Variants in NAGS observed in about 807,000 individuals in gnomAD.
NAGS encodes N-acetylglutamate synthase.
A neutral mutation model predicts 46.9 loss-of-function variants in NAGS; 34 were observed. The ratio of observed to expected loss-of-function variants is 0.72; its 90% CI spans 0.55 to 0.97. NAGS has a LOEUF of 0.97. NAGS is among the 50% of genes least tolerant of loss of function. The probability of loss-of-function intolerance (pLI) is 0.00; values close to 1 mark genes in which losing one functional copy is unlikely to be tolerated. For synonymous variants in NAGS, 334 were observed against 346.3 expected (o/e 0.96, Z 0.39); for missense variants, 665 against 747.0 (o/e 0.89, Z 1.28).
rs1286780952 is a variant in NAGS, at chr17:44,008,857, T to C, written c.*256T>C. 1.8e-6 allele frequency: 1 copy of C among 560,182 alleles called. No homozygotes were observed. The highest frequency in any genetic ancestry group is 3.1e-5 in the East Asian group (1 of 31,752). The allele number at this position is 560,182 out of a possible 1,614,324, so 34.7% of individuals were successfully genotyped here. On this transcript the variant is annotated 3_prime_UTR_variant, in exon 7 of 7. Coordinates refer to ENST00000293404, the MANE Select transcript of NAGS (RefSeq NM_153006.3). ...ACCAAATGGCCTTCGATTTTCAACCTGGGGATTAGGGGAGGGGAGGGTGCC... is the reference window on the plus strand; with the variant it reads ...ACCAAATGGCCTTCGATTTTCAACCCGGGGATTAGGGGAGGGGAGGGTGCC...
Position 44,008,757 on chromosome 17 carries a change from G to A in NAGS, c.*156G>A, listed in dbSNP as rs779597894. ...AGCAGCCCCAGCTCTGCCCAGAGGA[G>A]GCGCTGAAGTGGGACAAGCACAGGA... On this transcript the variant is annotated 3_prime_UTR_variant, in exon 7 of 7. Coordinates refer to ENST00000293404, the MANE Select transcript of NAGS (RefSeq NM_153006.3). 7.5e-5 allele frequency: 74 copies of A among 986,176 alleles called. No homozygotes were observed. The highest frequency in any genetic ancestry group is 1.0e-4 in the Non-Finnish European group (66 of 640,102). The allele number at this position is 986,176 out of a possible 1,614,324, so 61.1% of individuals were successfully genotyped here.
In NAGS at chr17:44,004,946, C is replaced by T; in HGVS notation, c.283C>T (p.Pro95Ser). Residue 95 changes from proline to serine, a missense_variant, in exon 1 of 7, where the codon CCT becomes TCT. Coordinates refer to ENST00000293404, the MANE Select transcript of NAGS (RefSeq NM_153006.3). ...CCCGGTGCCCCACGAGTCCCCAGAG[C>T]CTCCTTCGGGCCGCTCGCTGGTGCA... ...RPPVPHESPE[P>S]PSGRSLVQRD... 6.5e-7 allele frequency: 1 copy of T among 1,537,168 alleles called. No homozygotes were observed.
At chr17:44,008,333 G>C (rs1377192614) in intron 6 of NAGS, 115 bp from the exon 7 acceptor site, 1 of 1,250,572 alleles carries the variant, frequency 8.0e-7, no homozygotes, top group East Asian at 2.3e-5. Flanking sequence ...GGACCAAGCT[G>C]GGTGCCCAGC....
In NAGS at chr17:44,008,194, G is replaced by A. The variant is rs1273352041; in HGVS notation, c.1452-254G>A. Among the ~76,000 whole-genome samples the A allele has an allele frequency of 3.3e-5, 5 of 152,146 alleles. No homozygotes were observed. The East Asian group carries it at 5.8e-4, about 18-fold the overall frequency. ...AGGCAGTGTGGAGAGCAAAGCACCC[G>A]CTCCCTTCCTGTGTGCGCCTGGCAA... is the stretch of plus-strand genomic sequence containing the variant. On this transcript the variant is annotated intron_variant, in intron 6 of 6. Transcript: ENST00000293404.
At position 44,005,304 on chromosome 17, in the gene NAGS, C is replaced by A. The variant is rs775441522; in HGVS notation, c.426+215C>A. 4.6e-5 allele frequency among the ~76,000 whole-genome samples: 7 copies of A among 152,230 alleles called. No individual in the cohort carries two copies. The highest frequency in any genetic ancestry group is 7.3e-5 in the Non-Finnish European group (5 of 68,042). On this transcript the variant is annotated intron_variant, in intron 1 of 6. Coordinates refer to ENST00000293404, the MANE Select transcript of NAGS (RefSeq NM_153006.3). This position sits in a 1 kb window ranked among gnomAD's most constrained non-coding sequence, Gnocchi z 7.2. ...CGAGTGAGGATCCTGGGGGACCCCA[C>A]CCGCCAGGTGTGATGCTCTGAAGAA... is the stretch of plus-strand genomic sequence containing the variant.
In NAGS at chr17:44,007,485, T is replaced by C; in HGVS notation, c.1259T>C (p.Val420Ala). The C allele has an allele frequency of 6.2e-7, 1 of 1,613,494 alleles. No homozygotes were observed. The highest frequency in any genetic ancestry group is 1.6e-4 in the Middle Eastern group (1 of 6,062). Residue 420 changes from valine to alanine, a missense_variant, in exon 5 of 7, where the codon GTC becomes GCC. Transcript: ENST00000293404. This position sits in a 1 kb window ranked among gnomAD's most constrained non-coding sequence, Gnocchi z 5.1. ...CGCCCGCGGCTGCACTCCATCTACG[T>C]CTCCGAGGGGTAAGCCTGCGGACCC... ...SLRPRLHSIY[V>A]SEGYNAAAIL...
chr17:44,007,745 T>C lies in NAGS; in HGVS notation c.1423T>C (p.Ser475Pro). The change falls in exon 6 of 7, where the codon TCC becomes CCC. Residue 475 changes from serine to proline, a missense_variant. Coordinates refer to ENST00000293404, the MANE Select transcript of NAGS (RefSeq NM_153006.3). The surrounding 1 kb of genome is among the most constrained non-coding windows in gnomAD (Gnocchi z 5.1). ...RRDLQTLFWR[S>P]RVTNPINPWY... is the part of the protein sequence containing the mutation. ...GGACCTTCAGACACTTTTCTGGCGC[T>C]CCCGGGTCACCAACCCCATCAATCC... 2 of 1,589,064 alleles carry C rather than the reference T, an allele frequency of 1.3e-6. No homozygotes were observed. The highest frequency in any genetic ancestry group is 1.7e-6 in the Non-Finnish European group (2 of 1,166,630).
At position 44,004,835 on chromosome 17, in the gene NAGS, C is replaced by T. The variant is rs1426148158; in HGVS notation, c.172C>T (p.Pro58Ser). 8 of 1,508,626 alleles carry T rather than the reference C, an allele frequency of 5.3e-6. No homozygotes were observed. The African/African-American group carries it at 1.0e-4, about 19-fold the overall frequency. 93.5% of individuals were successfully genotyped at this position (1,508,626 alleles called of 1,614,324 possible). A position where few individuals can be genotyped will look rare whatever the true frequency, so the allele number is the denominator to read the frequency against. Reference protein sequence around the residue: ...RLSTAWSQPQPPPEEYAGADD... With the variant: ...RLSTAWSQPQSPPEEYAGADD... ...CAGCACCGCCTGGTCGCAGCCCCAG[C>T]CCCCGCCCGAGGAGTACGCGGGCGC... Residue 58 changes from proline (P) to serine (S), a missense_variant, in exon 1 of 7, where the codon CCC becomes TCC. By Grantham distance (74) the Pro-to-Ser change is moderately conservative. Coordinates refer to ENST00000293404, the MANE Select transcript of NAGS (RefSeq NM_153006.3).
At position 44,005,233 on chromosome 17, in the gene NAGS, G is replaced by A; in HGVS notation, c.426+144G>A. 4 of 1,427,024 alleles carry A rather than the reference G, an allele frequency of 2.8e-6. No individual in the cohort carries two copies. Among genetic ancestry groups the A allele is most frequent in the Non-Finnish European group, 3.7e-6 (4 of 1,091,610 alleles). 88.4% of individuals were successfully genotyped at this position (1,427,024 alleles called of 1,614,324 possible). Reference sequence around the variant, plus strand: ...GGCAGGGCCCAGACCAGCGCCGCCGGGAATGGGAGAGGCCGTAAGCTCCTC... The same window carrying A: ...GGCAGGGCCCAGACCAGCGCCGCCGAGAATGGGAGAGGCCGTAAGCTCCTC... On this transcript the variant is annotated intron_variant, in intron 1 of 6. Coordinates refer to ENST00000293404, the MANE Select transcript of NAGS (RefSeq NM_153006.3). This position sits in a 1 kb window ranked among gnomAD's most constrained non-coding sequence, Gnocchi z 7.2.
rs2049122937 is a variant in NAGS, at chr17:44,008,507, G to C, written c.1511G>C (p.Gly504Ala). Reference protein sequence around the residue: ...SNKQWIFFWFGLADIRDSYEL... With the variant: ...SNKQWIFFWFALADIRDSYEL... ...AAGCAGTGGATCTTCTTCTGGTTTG[G>C]CCTGGCTGATATCCGGGACTCCTAT... Residue 504 changes from glycine to alanine, a missense_variant, in exon 7 of 7, where the codon GGC becomes GCC. Physicochemically the swap from Gly to Ala is moderately conservative, Grantham distance 60 (BLOSUM62 0). Transcript: ENST00000293404. The C allele has an allele frequency of 7.4e-6, 12 of 1,614,250 alleles. No homozygotes were observed. The highest frequency in any genetic ancestry group is 8.5e-6 in the Non-Finnish European group (10 of 1,180,044).
chr17:44,005,565 C>T lies in NAGS; in HGVS notation c.427-72C>T. On this transcript the variant is annotated intron_variant, in intron 1 of 6. Transcript: ENST00000293404. This position sits in a 1 kb window ranked among gnomAD's most constrained non-coding sequence, Gnocchi z 7.2. ...GGAAGGGTAGGGTCACCGAGACGGCCCTGCAGGCCAGGCTGTGGGAGCCAG... is the reference window on the plus strand; with the variant it reads ...GGAAGGGTAGGGTCACCGAGACGGCTCTGCAGGCCAGGCTGTGGGAGCCAG... 1 of 1,567,354 alleles carries T rather than the reference C, an allele frequency of 6.4e-7. No homozygotes were observed. The highest frequency in any genetic ancestry group is 8.6e-7 in the Non-Finnish European group (1 of 1,156,320).
Position 44,008,882 on chromosome 17 carries a change from C to A in NAGS, c.*281C>A. 1.9e-6 allele frequency: 1 copy of A among 522,076 alleles called. No homozygotes were observed. The highest frequency in any genetic ancestry group is 3.5e-6 in the Non-Finnish European group (1 of 287,948). 32.3% of individuals were successfully genotyped at this position (522,076 alleles called of 1,614,324 possible). Reference sequence around the variant, plus strand: ...TGGGGATTAGGGGAGGGGAGGGTGCCTTCCAGGGCTCTACTCAGGACTAAC... The same window carrying A: ...TGGGGATTAGGGGAGGGGAGGGTGCATTCCAGGGCTCTACTCAGGACTAAC... On this transcript the variant is annotated 3_prime_UTR_variant, in exon 7 of 7. Coordinates refer to ENST00000293404, the MANE Select transcript of NAGS (RefSeq NM_153006.3).
Position 44,007,264 on chromosome 17 carries a change from C to A in NAGS, c.1097-59C>A. On this transcript the variant is annotated intron_variant, in intron 4 of 6. Transcript: ENST00000293404. This position sits in a 1 kb window ranked among gnomAD's most constrained non-coding sequence, Gnocchi z 5.1. ...ACCAGCGCCTGTCCTACCTGCAGTC[C>A]CCACCAGGCTGCGCAAACGGCCCTC... 1.3e-6 allele frequency: 2 copies of A among 1,564,578 alleles called. No individual in the cohort carries two copies. The highest frequency in any genetic ancestry group is 1.1e-5 in the South Asian group (1 of 87,618).
At position 44,007,227 on chromosome 17, in the gene NAGS, G is replaced by A. The variant is rs2049105304; in HGVS notation, c.1097-96G>A. 3 of 1,196,754 alleles carry A rather than the reference G, an allele frequency of 2.5e-6. No individual in the cohort carries two copies. Among genetic ancestry groups the A allele is most frequent in the South Asian group, 1.4e-5 (1 of 72,842 alleles). 74.1% of individuals were successfully genotyped at this position (1,196,754 alleles called of 1,614,324 possible). On this transcript the variant is annotated intron_variant, in intron 4 of 6. Coordinates refer to ENST00000293404, the MANE Select transcript of NAGS (RefSeq NM_153006.3). This position sits in a 1 kb window ranked among gnomAD's most constrained non-coding sequence, Gnocchi z 5.1. ...TTCACTGTGGAGGTCTCCCAAAGAC[G>A]GAAATTGTCCCACCAGCGCCTGTCC... is the stretch of plus-strand genomic sequence containing the variant.
chr17:44,005,859 T>G lies in NAGS; in HGVS notation c.649T>G (p.Phe217Val). ...ACACAACGCCGCCGCTGCTGTGCCATTTTTTGGCGGCGGGTCTGTGCTACG... is the reference window on the plus strand; with the variant it reads ...ACACAACGCCGCCGCTGCTGTGCCAGTTTTTGGCGGCGGGTCTGTGCTACG... Reference protein sequence around the residue: ...LRHNAAAAVPFFGGGSVLRAA... With the variant: ...LRHNAAAAVPVFGGGSVLRAA... Residue 217 changes from phenylalanine to valine, a missense_variant, in exon 2 of 7, where the codon TTT becomes GTT. Physicochemically the swap from Phe to Val is conservative, Grantham distance 50 (BLOSUM62 -1). Coordinates refer to ENST00000293404, the MANE Select transcript of NAGS (RefSeq NM_153006.3). This position sits in a 1 kb window ranked among gnomAD's most constrained non-coding sequence, Gnocchi z 7.2. 6.4e-7 allele frequency: 1 copy of G among 1,559,034 alleles called. No homozygotes were observed. The highest frequency in any genetic ancestry group is 8.7e-7 in the Non-Finnish European group (1 of 1,154,030).
chr17:44,008,456 AAC>A lies in NAGS; in HGVS notation c.1464_1465del (p.His488GlnfsTer2), dbSNP rs2049122362. On this transcript the variant is annotated frameshift_variant, in exon 7 of 7. Coordinates refer to ENST00000293404, the MANE Select transcript of NAGS (RefSeq NM_153006.3). LOFTEE classifies it high-confidence loss of function. ...CACCTCCCCACACCCAGGTACTTCA[AAC>A]ACAGTGATGGCAGCTTCTCCAACAA... 1.9e-6 allele frequency: 3 copies of A among 1,614,248 alleles called. No individual in the cohort carries two copies. Among genetic ancestry groups the A allele is most frequent in the Non-Finnish European group, 1.7e-6 (2 of 1,180,040 alleles).
Position 44,008,751 on chromosome 17 carries a change from AG to A in NAGS, c.*151del, listed in dbSNP as rs1281177876. 2.9e-6 allele frequency: 3 copies of A among 1,045,080 alleles called. No individual in the cohort carries two copies. The East Asian group carries it at 7.5e-5, about 26-fold the overall frequency. The allele number at this position is 1,045,080 out of a possible 1,614,324, so 64.7% of individuals were successfully genotyped here. A position where few individuals can be genotyped will look rare whatever the true frequency, so the allele number is the denominator to read the frequency against. On this transcript the variant is annotated 3_prime_UTR_variant, in exon 7 of 7. Transcript: ENST00000293404. ...GGAGAAAGCAGCCCCAGCTCTGCCC[AG>A]AGGAGGCGCTGAAGTGGGACAAGCA...
At position 44,008,317 on chromosome 17, in the gene NAGS, A is replaced by G. The variant is rs2049121329; in HGVS notation, c.1452-131A>G. 4 of 1,061,858 alleles carry G rather than the reference A, an allele frequency of 3.8e-6. No homozygotes were observed. In the Admixed American group the frequency reaches 6.7e-5, roughly 18 times the overall value. 65.8% of individuals were successfully genotyped at this position (1,061,858 alleles called of 1,614,324 possible). A position where few individuals can be genotyped will look rare whatever the true frequency, so the allele number is the denominator to read the frequency against. The stretch of plus-strand genomic sequence containing the variant: ...CTGTGAGGATAAAATGAGATAACAC[A>G]CAGCAGGACCAAGCTGGGTGCCCAG... On this transcript the variant is annotated intron_variant, in intron 6 of 6. Coordinates refer to ENST00000293404, the MANE Select transcript of NAGS (RefSeq NM_153006.3).
At chr17:44,008,362 C>A in intron 6 of NAGS, 86 bp from the exon 7 acceptor site, 1 of 1,525,412 alleles carries the variant, frequency 6.6e-7, no homozygotes, top group Non-Finnish European at 9.1e-7. Flanking sequence ...GGTCCTCAAT[C>A]AATGTTTTTT....
Sources: allele counts gnomAD v4.1 joint callset (sites outside exome capture counted in the v4.1 genomes callset), GRCh38; gene constraint gnomAD v4.1.1; non-coding constraint Gnocchi (gnomAD v3.1); transcripts MANE v1.5; gene names NCBI Gene and HGNC (gene_info 2026-07-23, HGNC 2026-07-21).